PRKAB2: variants seen among roughly 807,000 people sequenced by gnomAD.
The protein encoded by PRKAB2 is protein kinase AMP-activated non-catalytic subunit beta 2, also known as 5'-AMP-activated protein kinase subunit beta-2.
A neutral mutation model predicts 29.8 loss-of-function variants in PRKAB2; 18 were observed. The ratio of observed to expected loss-of-function variants is 0.60; its 90% CI spans 0.42 to 0.89. PRKAB2 has a LOEUF of 0.89. Among genes scored for constraint, PRKAB2 ranks in the 40% least tolerant of loss-of-function variants. The pLI, the probability that PRKAB2 is intolerant of heterozygous loss-of-function variation, is 0.00. For synonymous variants in PRKAB2, 136 were observed against 125.9 expected (o/e 1.08, Z -0.54); for missense variants, 270 against 344.3 (o/e 0.78, Z 1.71).
chr1:147,161,623 A>C (rs782162789), intron 7 of PRKAB2, 89 bp downstream of exon 7: 62 of 1,132,930 alleles, frequency 5.5e-5, no homozygotes, highest in Non-Finnish European at 8.0e-5. Context: ...GCTTCAATGA[A>C]ATAGCAGAGA....
rs587751862 is a variant in PRKAB2 at position 147,164,232 on chromosome 1, T to C, written c.539-1659A>G. Among the ~76,000 whole-genome samples, 26 of 152,194 alleles carry C rather than the reference T, an allele frequency of 1.7e-4. No individual in the cohort carries two copies. In the South Asian group the frequency reaches 5.4e-3, roughly 32 times the overall value. On this transcript the variant is annotated intron_variant, in intron 5 of 7. Transcript: ENST00000254101. ...AGGATTACAGGTGTGAGCCACCAAA[T>C]TCATTGTAAGAACTAAGTTCCAGTG...
chr1:147,167,973 C>A, intron 2 of PRKAB2, 40 bp from the exon 3 acceptor site: 2 of 1,570,306 alleles, frequency 1.3e-6, no homozygotes, highest in Admixed American at 1.8e-5. Flanking sequence ...TAAACTGTGA[C>A]CCAAGAATTC....
Position 147,167,934 on chromosome 1 carries a change from C to G in PRKAB2, c.157-1G>C. ...ATACAAACTCTTTGTCCCCAGGGAG[C>G]TGTAAGAAGGAGTAGGTCATCCCTA... On this transcript the variant is annotated splice_acceptor_variant, in intron 2 of 7. Coordinates refer to ENST00000254101, the MANE Select transcript of PRKAB2 (RefSeq NM_005399.5). LOFTEE classifies it high-confidence loss of function. 6.2e-7 allele frequency: 1 copy of G among 1,610,342 alleles called. No homozygotes were observed. Among genetic ancestry groups the G allele is most frequent in the Non-Finnish European group, 8.5e-7 (1 of 1,178,422 alleles).
rs1559612319 is a variant in PRKAB2, at chr1:147,167,836, TCAGAC to T, written c.249_253del (p.Trp83Ter). 5.6e-6 allele frequency: 9 copies of T among 1,614,170 alleles called. No homozygotes were observed. Among genetic ancestry groups the T allele is most frequent in the Non-Finnish European group, 7.6e-6 (9 of 1,180,012 alleles). On this transcript the variant is annotated stop_gained and frameshift_variant, in exon 3 of 8. Coordinates refer to ENST00000254101, the MANE Select transcript of PRKAB2 (RefSeq NM_005399.5). LOFTEE classifies it high-confidence loss of function. The stretch of plus-strand genomic sequence containing the variant: ...AGAGATGAAGACCTCCTTGCCTCCT[TCAGAC>T]CAGCGGATAACAGTGGGCCGGGCCT...
chr1:147,159,886 A>G (rs1174354679), intron 7 of PRKAB2, among the ~76,000 whole-genome samples: 1 of 152,140 alleles, frequency 6.6e-6, no homozygotes, highest in Non-Finnish European at 1.5e-5. Context: ...ACCTACCATT[A>G]AGGTTGCTCT....
In PRKAB2 at chr1:147,156,801, G is replaced by C. The variant is rs587708347; in HGVS notation, c.*2764C>G. 6.6e-6 allele frequency: 1 copy of C among 152,266 alleles called. No individual in the cohort carries two copies. Among genetic ancestry groups the C allele is most frequent in the South Asian group, 2.1e-4 (1 of 4,830 alleles). 9.4% of individuals were successfully genotyped at this position (152,266 alleles called of 1,614,324 possible). A position where few individuals can be genotyped will look rare whatever the true frequency, so the allele number is the denominator to read the frequency against. ...AGAGAATTGGAACAAGATGAAAAGA[G>C]AAGATGGTTATACACTGCTAATTCT... On this transcript the variant is annotated 3_prime_UTR_variant, in exon 8 of 8. Transcript: ENST00000254101.
chr1:147,166,353 C>G, intron 5 of PRKAB2, 145 bp downstream of exon 5: 2 of 788,072 alleles, frequency 2.5e-6, no homozygotes, highest in Non-Finnish European at 3.9e-6. Context: ...TAAATGTTTA[C>G]AGGAGAAAAA....
intron 3 of PRKAB2, 42 bp downstream of exon 3, chr1:147,167,725 C>A (rs1553913849): frequency 6.3e-7 from 1 of 1,582,858 alleles, no homozygotes; most frequent in Non-Finnish European, 8.6e-7. Flanking sequence ...GAAATCAGGT[C>A]TCTATTCCTG....
In PRKAB2 at chr1:147,158,368, T is replaced by C. The variant is rs1653776875; in HGVS notation, c.*1197A>G. ...AAATCTTTAAAATGAGGAACCCCTTTAGGTGCATCAAATGAGTTAAATGAA... is the reference window on the plus strand; with the variant it reads ...AAATCTTTAAAATGAGGAACCCCTTCAGGTGCATCAAATGAGTTAAATGAA... On this transcript the variant is annotated 3_prime_UTR_variant, in exon 8 of 8. Coordinates refer to ENST00000254101, the MANE Select transcript of PRKAB2 (RefSeq NM_005399.5). The C allele has an allele frequency of 6.6e-6, 1 of 152,160 alleles. No individual in the cohort carries two copies. The highest frequency in any genetic ancestry group is 2.4e-5 in the African/African-American group (1 of 41,440). The allele number at this position is 152,160 out of a possible 1,614,324, so 9.4% of individuals were successfully genotyped here.
chr1:147,167,473 T>C (rs1236314784), intron 3 of PRKAB2, among the ~76,000 whole-genome samples: 5 of 152,238 alleles, frequency 3.3e-5, no homozygotes, highest in Non-Finnish European at 7.3e-5. Context: ...CTCAGACAGT[T>C]ACAAAAGACT....
intron 2 of PRKAB2, 38 bp from the exon 3 acceptor site, chr1:147,167,971 G>A: frequency 6.3e-7 from 1 of 1,576,972 alleles, no homozygotes; most frequent in Non-Finnish European, 8.6e-7. Flanking sequence ...AATAAACTGT[G>A]ACCCAAGAAT....
rs781967941 is a variant in PRKAB2, at chr1:147,159,616, G to T, written c.768C>A (p.Thr256=). ...IKDSVMVLSA[T]HRYKKKYVTT... ...TAACATACTTCTTCTTGTAGCGATG[G>T]GTTGCGCTAAGGACCATCACACTGT... The change falls in exon 8 of 8, where the codon ACC becomes ACA. Residue 256 remains threonine (T), a synonymous_variant. Coordinates refer to ENST00000254101, the MANE Select transcript of PRKAB2 (RefSeq NM_005399.5). 1 of 1,613,482 alleles carries T rather than the reference G, an allele frequency of 6.2e-7. No individual in the cohort carries two copies. The highest frequency in any genetic ancestry group is 1.1e-5 in the South Asian group (1 of 91,040).
chr1:147,162,584 T>C lies in PRKAB2; in HGVS notation c.539-11A>G. On this transcript the variant is annotated splice_polypyrimidine_tract_variant and intron_variant, in intron 5 of 7. Transcript: ENST00000254101. Reference sequence around the variant, plus strand: ...GTGAGCTGGAAAGGTCTGAAAGATATTTATACAAATATGAGAAAGAGTTGG... The same window carrying C: ...GTGAGCTGGAAAGGTCTGAAAGATACTTATACAAATATGAGAAAGAGTTGG... 1 of 1,597,436 alleles carries C rather than the reference T, an allele frequency of 6.3e-7. No individual in the cohort carries two copies. The highest frequency in any genetic ancestry group is 8.5e-7 in the Non-Finnish European group (1 of 1,172,198).
rs781947523 is a variant in PRKAB2, at chr1:147,155,269, T to G, written c.*4296A>C. 5.9e-5 allele frequency: 9 copies of G among 152,578 alleles called. No homozygotes were observed. Among genetic ancestry groups the G allele is most frequent in the South Asian group, 2.1e-4 (1 of 4,834 alleles). 9.5% of individuals were successfully genotyped at this position (152,578 alleles called of 1,614,324 possible). A position where few individuals can be genotyped will look rare whatever the true frequency, so the allele number is the denominator to read the frequency against. Reference sequence around the variant, plus strand: ...TTGTCTGCCACTCCTTTATGAAATATTGAAAAGCAGCTCTGTACCTCAGCA... The same window carrying G: ...TTGTCTGCCACTCCTTTATGAAATAGTGAAAAGCAGCTCTGTACCTCAGCA... On this transcript the variant is annotated 3_prime_UTR_variant, in exon 8 of 8. Coordinates refer to ENST00000254101, the MANE Select transcript of PRKAB2 (RefSeq NM_005399.5).
At chr1:147,159,701 C>T (rs1653860236) in intron 7 of PRKAB2, 59 bp from the exon 8 acceptor site, 2 of 1,450,696 alleles carry the variant, frequency 1.4e-6, no homozygotes, top group Non-Finnish European at 1.9e-6. Flanking sequence ...GGTAGCTCTT[C>T]CCAGTCATCA....
At chr1:147,162,323 G>T (rs2101618994) in intron 6 of PRKAB2, 117 bp downstream of exon 6, 5 of 1,076,062 alleles carry the variant, frequency 4.6e-6, no homozygotes, top group Non-Finnish European at 6.6e-6. Context: ...ATTGGTATGT[G>T]TATGACTTAT....
rs1559607209 is a variant in PRKAB2 at position 147,159,633 on chromosome 1, T to G, written c.751A>C (p.Met251Leu). The G allele has an allele frequency of 6.2e-7, 1 of 1,613,284 alleles. No individual in the cohort carries two copies. Among genetic ancestry groups the G allele is most frequent in the African/African-American group, 1.3e-5 (1 of 74,888 alleles). Residue 251 changes from methionine (M) to leucine (L), a missense_variant, in exon 8 of 8, where the codon ATG (methionine) becomes CTG (leucine). Coordinates refer to ENST00000254101, the MANE Select transcript of PRKAB2 (RefSeq NM_005399.5). Reference sequence around the variant, plus strand: ...TAGCGATGGGTTGCGCTAAGGACCATCACACTGTCCTGCAAGGAAAAGAAA... The same window carrying G: ...TAGCGATGGGTTGCGCTAAGGACCAGCACACTGTCCTGCAAGGAAAAGAAA... ...LYALSIKDSVMVLSATHRYKK... is the reference protein window; with the variant it reads ...LYALSIKDSVLVLSATHRYKK...
At chr1:147,160,183 T>TA (rs1469213396) in intron 7 of PRKAB2, among the ~76,000 whole-genome samples, 2 of 152,172 alleles carry the variant, frequency 1.3e-5, no homozygotes. Context: ...CTCTCTGATT[T>TA]AGAGGGAACC....
Position 147,155,568 on chromosome 1 carries a change from G to T in PRKAB2, c.*3997C>A, listed in dbSNP as rs1425664052. On this transcript the variant is annotated 3_prime_UTR_variant, in exon 8 of 8. Coordinates refer to ENST00000254101, the MANE Select transcript of PRKAB2 (RefSeq NM_005399.5). ...GTGTTTTGTACAGGGGAACAGAAAA[G>T]AAGTAAGATCATCAATACCTAATAT... 2.0e-5 allele frequency: 3 copies of T among 152,498 alleles called. No homozygotes were observed. Among genetic ancestry groups the T allele is most frequent in the East Asian group, 1.9e-4 (1 of 5,188 alleles). 9.4% of individuals were successfully genotyped at this position (152,498 alleles called of 1,614,324 possible). A position where few individuals can be genotyped will look rare whatever the true frequency, so the allele number is the denominator to read the frequency against.
Sources: allele counts gnomAD v4.1 joint callset (sites outside exome capture counted in the v4.1 genomes callset), GRCh38; gene constraint gnomAD v4.1.1; transcripts MANE v1.5; gene names NCBI Gene and HGNC (gene_info 2026-07-23, HGNC 2026-07-21).